Variants in LRRC8E observed in about 807,000 individuals in gnomAD.
LRRC8E encodes the protein leucine rich repeat containing 8 VRAC subunit E.
LRRC8E carries 6 observed loss-of-function variants against 6.1 expected under a neutral mutation model. The ratio of observed to expected loss-of-function variants is 0.98; its 90% CI spans 0.54 to 1.93. LRRC8E has a LOEUF of 1.93. LRRC8E is among the 30% of genes most tolerant of loss of function. The probability of loss-of-function intolerance (pLI) is 0.01; values close to 1 mark genes in which losing one functional copy is unlikely to be tolerated. For missense variants in LRRC8E, 1,028 were observed against 1,031.4 expected (o/e 1.00, Z 0.04); for synonymous variants, 485 against 472.8 (o/e 1.03, Z -0.33).
intron 2 of LRRC8E, among the ~76,000 whole-genome samples, chr19:7,897,016 T>C (rs1781348135): frequency 6.6e-6 from 1 of 152,116 alleles, no homozygotes. Flanking sequence ...TAACCAGAAA[T>C]GTTTCCTCTT....
chr19:7,899,356 G>T lies in LRRC8E; in HGVS notation c.834G>T (p.Glu278Asp). Residue 278 changes from glutamate to aspartate, a missense_variant, in exon 3 of 3, where the codon GAG becomes GAT. Glu to Asp is a conservative substitution (Grantham distance 45). Transcript: ENST00000306708. The part of the protein sequence containing the change: ...AILVYNLVYV[E>D]KISFLVACRV... ...TGGTCTACAACCTGGTCTATGTGGAGAAGATCAGTTTCCTGGTGGCCTGTA... is the reference window on the plus strand; with the variant it reads ...TGGTCTACAACCTGGTCTATGTGGATAAGATCAGTTTCCTGGTGGCCTGTA... 1 of 1,614,172 alleles carries T rather than the reference G, an allele frequency of 6.2e-7. No individual in the cohort carries two copies. Among genetic ancestry groups the T allele is most frequent in the South Asian group, 1.1e-5 (1 of 91,082 alleles).
At chr19:7,889,772 A>C (rs1478277551) in intron 1 of LRRC8E, among the ~76,000 whole-genome samples, 18 of 144,860 alleles carry the variant, frequency 1.2e-4, no homozygotes, top group African/African-American at 4.6e-4. Flanking sequence ...TTTTTTCAAG[A>C]TAGAGTCTTG....
chr19:7,899,059 C>T lies in LRRC8E; in HGVS notation c.537C>T (p.Ala179=). Residue 179 remains alanine, a synonymous_variant, in exon 3 of 3, where the codon GCC becomes GCT. Transcript: ENST00000306708. The stretch of plus-strand genomic sequence containing the variant: ...GGGAGAACCAGAAGGGCCCAGCAGC[C>T]ACCGAACGGGCTGCGGCCACCATAG... ...VSGENQKGPA[A]TERAAATIVA... is the part of the protein sequence containing the mutation. 1 of 1,613,132 alleles carries T rather than the reference C, an allele frequency of 6.2e-7. No individual in the cohort carries two copies. Among genetic ancestry groups the T allele is most frequent in the Non-Finnish European group, 8.5e-7 (1 of 1,179,548 alleles).
rs1981417307 is a variant in LRRC8E, at chr19:7,893,408, A to T, written c.-5-2191A>T. ...TGCCCACCTCGGCCTCCCAAAGTAT[A>T]CTTGGCTTTTTGCTTAGGGCAGGGA... On this transcript the variant is annotated intron_variant, in intron 1 of 2. Coordinates refer to ENST00000306708, the MANE Select transcript of LRRC8E (RefSeq NM_025061.6). Among the ~76,000 whole-genome samples the T allele has an allele frequency of 2.6e-5, 4 of 151,320 alleles. No individual in the cohort carries two copies. In the South Asian group the frequency reaches 8.4e-4, roughly 32 times the overall value.
intron 2 of LRRC8E, among the ~76,000 whole-genome samples, chr19:7,896,411 T>C (rs1293745103): frequency 6.7e-6 from 1 of 149,814 alleles, no homozygotes; most frequent in African/African-American, 2.4e-5. Context: ...CCGTCCTTAC[T>C]AAAGACACAA....
chr19:7,891,274 G>A (rs568663456), intron 1 of LRRC8E, among the ~76,000 whole-genome samples: 3 of 152,094 alleles, frequency 2.0e-5, no homozygotes, highest in South Asian at 2.1e-4. Flanking sequence ...CCAATTCTTC[G>A]AGCCCCTGTT....
At chr19:7,894,670 G>A (rs919821630) in intron 1 of LRRC8E, among the ~76,000 whole-genome samples, 1 of 152,198 alleles carries the variant, frequency 6.6e-6, no homozygotes, top group Non-Finnish European at 1.5e-5. Context: ...ACCTGCCTGG[G>A]AGAGTGACAT....
Position 7,898,832 on chromosome 19 carries a change from C to G in LRRC8E, c.310C>G (p.Gln104Glu). ...CCTGCAGCAATACAGCTTTATTAAC[C>G]AGCTGTGTTATGAGACGGCCCTGCA... ...LDLQQYSFINQLCYETALHWY... is the reference protein window; with the variant it reads ...LDLQQYSFINELCYETALHWY... Residue 104 changes from glutamine to glutamate, a missense_variant, in exon 3 of 3, where the codon CAG becomes GAG. Coordinates refer to ENST00000306708, the MANE Select transcript of LRRC8E (RefSeq NM_025061.6). 6.2e-7 allele frequency: 1 copy of G among 1,614,188 alleles called. No individual in the cohort carries two copies. The highest frequency in any genetic ancestry group is 1.1e-5 in the South Asian group (1 of 91,082).
In LRRC8E at chr19:7,900,031, G is replaced by A. The variant is rs1177264711; in HGVS notation, c.1509G>A (p.Val503=). Residue 503 remains valine (V), a synonymous_variant, in exon 3 of 3, where the codon GTG becomes GTA. Transcript: ENST00000306708. This position sits in a 1 kb window ranked among gnomAD's most constrained non-coding sequence, Gnocchi z 5.0. ...AGCTCCGCGAGGTGCCGCTTTGGGTGTTTGGGCTGCGGGGCTTGGAGGAGC... is the reference window on the plus strand; with the variant it reads ...AGCTCCGCGAGGTGCCGCTTTGGGTATTTGGGCTGCGGGGCTTGGAGGAGC... ...CEELREVPLW[V]FGLRGLEELH... is the part of the protein sequence containing the mutation. 2 of 1,610,796 alleles carry A rather than the reference G, an allele frequency of 1.2e-6. No homozygotes were observed. Among genetic ancestry groups the A allele is most frequent in the East Asian group, 2.2e-5 (1 of 44,806 alleles).
rs138041635 is a variant in LRRC8E at position 7,895,262 on chromosome 19, C to T, written c.-5-337C>T. ...TGGTGTCAGGGGTGGGAGAGGGATGCCTCGTTTTGGGGAGGGGGCCACCCG... is the reference window on the plus strand; with the variant it reads ...TGGTGTCAGGGGTGGGAGAGGGATGTCTCGTTTTGGGGAGGGGGCCACCCG... On this transcript the variant is annotated intron_variant, in intron 1 of 2. Transcript: ENST00000306708. This position sits in a 1 kb window ranked among gnomAD's most constrained non-coding sequence, Gnocchi z 4.7. 817 of 237,024 alleles carry T rather than the reference C, an allele frequency of 3.4e-3. 4 individuals carry two copies. Among genetic ancestry groups the T allele is most frequent in the Admixed American group, 2.7e-3 (57 of 21,228 alleles). 14.7% of individuals were successfully genotyped at this position (237,024 alleles called of 1,614,324 possible).
rs2042919 is a variant in LRRC8E, at chr19:7,899,064, A to G, written c.542A>G (p.Glu181Gly). Residue 181 changes from glutamate to glycine, a missense_variant, in exon 3 of 3, where the codon GAA becomes GGA. Coordinates refer to ENST00000306708, the MANE Select transcript of LRRC8E (RefSeq NM_025061.6). Reference sequence around the variant, plus strand: ...AACCAGAAGGGCCCAGCAGCCACCGAACGGGCTGCGGCCACCATAGTGGCC... The same window carrying G: ...AACCAGAAGGGCCCAGCAGCCACCGGACGGGCTGCGGCCACCATAGTGGCC... ...GENQKGPAAT[E>G]RAAATIVAMA... 406,110 of 1,612,492 alleles carry G rather than the reference A, an allele frequency of 0.25. 52,712 individuals carry two copies. Among genetic ancestry groups the G allele is most frequent in the African/African-American group, 0.33 (24,421 of 74,924 alleles).
chr19:7,895,238 G>A lies in LRRC8E; in HGVS notation c.-5-361G>A, dbSNP rs1981516212. 3 of 213,162 alleles carry A rather than the reference G, an allele frequency of 1.4e-5. No individual in the cohort carries two copies. In the South Asian group the frequency reaches 2.9e-4, roughly 20 times the overall value. 13.2% of individuals were successfully genotyped at this position (213,162 alleles called of 1,614,324 possible). A position where few individuals can be genotyped will look rare whatever the true frequency, so the allele number is the denominator to read the frequency against. On this transcript the variant is annotated intron_variant, in intron 1 of 2. Coordinates refer to ENST00000306708, the MANE Select transcript of LRRC8E (RefSeq NM_025061.6). The surrounding 1 kb of genome is among the most constrained non-coding windows in gnomAD (Gnocchi z 4.7). ...ATCGAGGCAGATGTTTTCAGGCCTT[G>A]GTGTCAGGGGTGGGAGAGGGATGCC...
chr19:7,890,745 C>T (rs920127876), intron 1 of LRRC8E, among the ~76,000 whole-genome samples: 37 of 151,952 alleles, frequency 2.4e-4, no homozygotes, highest in African/African-American at 8.9e-4. Context: ...GCCGAGATCA[C>T]ACCACTGCAC....
rs1599599691 is a variant in LRRC8E, at chr19:7,888,548, G to C, written c.-58G>C. ...GCCCGGGAACTCTGCGGGAGTCGCG[G>C]CAGCTCCGCTCCCAGAGACCCAGGA... On this transcript the variant is annotated 5_prime_UTR_variant, in exon 1 of 3. Transcript: ENST00000306708. 1 of 152,294 alleles carries C rather than the reference G, an allele frequency of 6.6e-6. No individual in the cohort carries two copies. The allele number at this position is 152,294 out of a possible 1,614,324, so 9.4% of individuals were successfully genotyped here. A position where few individuals can be genotyped will look rare whatever the true frequency, so the allele number is the denominator to read the frequency against.
At chr19:7,892,750 T>C (rs1015962499) in intron 1 of LRRC8E, among the ~76,000 whole-genome samples, 1 of 152,200 alleles carries the variant, frequency 6.6e-6, no homozygotes, top group African/African-American at 2.4e-5. Flanking sequence ...AGTTGAGCTA[T>C]CCTGGTATGT....
At chr19:7,897,363 G>A (rs970121074) in intron 2 of LRRC8E, among the ~76,000 whole-genome samples, 1 of 151,686 alleles carries the variant, frequency 6.6e-6, no homozygotes, top group African/African-American at 2.4e-5. Context: ...TAGTAGAGAC[G>A]TGGTTTCAGT....
chr19:7,892,389 T>C (rs531995296), intron 1 of LRRC8E, among the ~76,000 whole-genome samples: 36 of 151,914 alleles, frequency 2.4e-4, no homozygotes, highest in African/African-American at 8.4e-4. Context: ...TTAGATTTTT[T>C]TGTAGAAATG....
rs1286233818 is a variant in LRRC8E, at chr19:7,895,691, T to G, written c.88T>G (p.Tyr30Asp). Residue 30 changes from tyrosine to aspartate, a missense_variant, in exon 2 of 3, where the codon TAC becomes GAC. Physicochemically the swap from Tyr to Asp is radical, Grantham distance 160. Coordinates refer to ENST00000306708, the MANE Select transcript of LRRC8E (RefSeq NM_025061.6). This position sits in a 1 kb window ranked among gnomAD's most constrained non-coding sequence, Gnocchi z 4.7. The part of the protein sequence containing the change: ...LKPWWDVLAE[Y>D]LTVAMLMIGV... ...ACCCTGGTGGGACGTGCTGGCCGAG[T>G]ACCTCACCGTGGCCATGCTCATGAT... The G allele has an allele frequency of 2.8e-5, 45 of 1,613,884 alleles. No homozygotes were observed. Among genetic ancestry groups the G allele is most frequent in the Non-Finnish European group, 3.6e-5 (43 of 1,179,946 alleles).
chr19:7,891,781 T>C (rs1260701454), intron 1 of LRRC8E, among the ~76,000 whole-genome samples: 1 of 151,832 alleles, frequency 6.6e-6, no homozygotes, highest in East Asian at 1.9e-4. Flanking sequence ...TAATTGTTTT[T>C]GTATTTTTAG....
Sources: gnomAD v4.1 joint callset for allele counts (sites outside exome capture counted in the v4.1 genomes callset) on GRCh38, gnomAD v4.1.1 for gene constraint, Gnocchi (gnomAD v3.1) non-coding constraint, MANE v1.5 for transcripts, NCBI Gene and HGNC (gene_info 2026-07-23, HGNC 2026-07-21) for gene names.